ROBO1: variants seen among roughly 807,000 people sequenced by gnomAD.
ROBO1 encodes roundabout guidance receptor 1, also known as roundabout homolog 1.
ROBO1 carries 149 observed loss-of-function variants against 195.9 expected under a neutral mutation model. The ratio of observed to expected loss-of-function variants is 0.76; its 90% confidence interval spans 0.67 to 0.87. ROBO1 has a LOEUF of 0.87. Among genes scored for constraint, ROBO1 ranks in the 40% least tolerant of loss-of-function variants. The probability of loss-of-function intolerance (pLI) is 0.00; values close to 1 mark genes in which losing one functional copy is unlikely to be tolerated. For synonymous variants in ROBO1, 816 were observed against 733.2 expected (o/e 1.11, Z -1.82); for missense variants, 1,933 against 2,068.3 (o/e 0.93, Z 1.27).
intron 1 of ROBO1, among the ~76,000 whole-genome samples, chr3:79,595,747 T>A (rs1944148920): frequency 6.6e-6 from 1 of 150,414 alleles, no homozygotes; most frequent in South Asian, 2.1e-4. Flanking sequence ...TTTGTCGATA[T>A]AGAGCCTATG....
intron 4 of ROBO1, among the ~76,000 whole-genome samples, chr3:78,820,452 CTAA>C (rs1223127729): frequency 7.9e-5 from 12 of 152,084 alleles, no homozygotes; most frequent in African/African-American, 2.9e-4. Context: ...CAAATTTGTA[CTAA>C]TGTTAACGTA....
At chr3:79,544,092 G>T (rs979998510) in intron 2 of ROBO1, among the ~76,000 whole-genome samples, 2 of 151,866 alleles carry the variant, frequency 1.3e-5, no homozygotes, top group African/African-American at 4.8e-5. Context: ...TTTTCATTAG[G>T]CTTATCCAAC....
chr3:78,636,205 T>C (rs1705490936), intron 22 of ROBO1, 97 bp from the exon 23 acceptor site: 1 of 839,418 alleles, frequency 1.2e-6, no homozygotes, highest in Non-Finnish European at 1.8e-6. Flanking sequence ...AGAAAATCGT[T>C]ATGTAAAGTA....
chr3:78,979,438 T>C (rs1054760118), intron 3 of ROBO1, among the ~76,000 whole-genome samples: 2 of 152,166 alleles, frequency 1.3e-5, no homozygotes, highest in East Asian at 3.8e-4. Context: ...ACTGAATAAT[T>C]GTTGAAATTT....
chr3:79,429,219 C>T (rs1319381560), intron 2 of ROBO1, among the ~76,000 whole-genome samples: 2 of 152,124 alleles, frequency 1.3e-5, no homozygotes, highest in Non-Finnish European at 2.9e-5. Flanking sequence ...AAGGGCCATA[C>T]ATACACTCCT....
chr3:79,436,807 G>A (rs952231012), intron 2 of ROBO1, among the ~76,000 whole-genome samples: 4 of 152,054 alleles, frequency 2.6e-5, no homozygotes, highest in Non-Finnish European at 4.4e-5. Flanking sequence ...GCATTGTAAA[G>A]AGTGAAGGTG....
At chr3:79,179,450 G>T (rs1265013348) in intron 2 of ROBO1, among the ~76,000 whole-genome samples, 1 of 152,178 alleles carries the variant, frequency 6.6e-6, no homozygotes, top group African/African-American at 2.4e-5. Flanking sequence ...GATGAAGTTA[G>T]AATAACTTGC....
At chr3:78,770,949 C>A (rs982649167) in intron 4 of ROBO1, among the ~76,000 whole-genome samples, 1 of 152,092 alleles carries the variant, frequency 6.6e-6, no homozygotes, top group Admixed American at 6.6e-5. Flanking sequence ...CACCTGTGGT[C>A]CCAGCTACTC....
intron 2 of ROBO1, among the ~76,000 whole-genome samples, chr3:79,584,346 G>C (rs1943753748): frequency 1.3e-5 from 2 of 149,758 alleles, no homozygotes; most frequent in South Asian, 4.2e-4. Flanking sequence ...GTTTTGTGCA[G>C]AACACAAATA....
At chr3:79,240,112 T>C (rs1166776451) in intron 2 of ROBO1, among the ~76,000 whole-genome samples, 1 of 152,170 alleles carries the variant, frequency 6.6e-6, no homozygotes, top group Non-Finnish European at 1.5e-5. Flanking sequence ...TTAACTATAG[T>C]CACTATATTA....
chr3:79,620,873 C>A (rs753923423), intron 1 of ROBO1, among the ~76,000 whole-genome samples: 1 of 152,046 alleles, frequency 6.6e-6, no homozygotes, highest in Admixed American at 6.5e-5. Flanking sequence ...CTCTTAAAGC[C>A]TACAAATTCT....
In ROBO1 at chr3:78,597,918, C is replaced by T. The variant is rs1391381259; in HGVS notation, c.*995G>A. ...AAAGGTTAATAGTTACAATGGTTTA[C>T]AAATAAAGTTTAGTGATTGTGCTTT... On this transcript the variant is annotated 3_prime_UTR_variant, in exon 31 of 31. Coordinates refer to ENST00000464233, the MANE Select transcript of ROBO1 (RefSeq NM_002941.4). 4.3e-5 allele frequency: 3 copies of T among 69,576 alleles called. No individual in the cohort carries two copies. The highest frequency in any genetic ancestry group is 1.7e-4 in the African/African-American group (3 of 17,602). 4.3% of individuals were successfully genotyped at this position (69,576 alleles called of 1,614,324 possible). A position where few individuals can be genotyped will look rare whatever the true frequency, so the allele number is the denominator to read the frequency against.
intron 3 of ROBO1, among the ~76,000 whole-genome samples, chr3:79,007,230 C>A (rs532527392): frequency 6.6e-6 from 1 of 152,234 alleles, no homozygotes; most frequent in South Asian, 2.1e-4. Flanking sequence ...CCTTGGGTAG[C>A]TTTGGAGGAT....
intron 1 of ROBO1, among the ~76,000 whole-genome samples, chr3:79,679,741 T>C (rs2106961383): frequency 6.6e-6 from 1 of 152,090 alleles, no homozygotes; most frequent in South Asian, 2.1e-4. Context: ...AAAATTGCAT[T>C]TGTACCCCTT....
intron 2 of ROBO1, among the ~76,000 whole-genome samples, chr3:79,546,565 T>C (rs1411788684): frequency 6.6e-6 from 1 of 152,198 alleles, no homozygotes. Flanking sequence ...CTGTATAGGA[T>C]ACACTCCACT....
chr3:79,750,071 T>G (rs1477590365), intron 1 of ROBO1, among the ~76,000 whole-genome samples: 2 of 152,146 alleles, frequency 1.3e-5, no homozygotes, highest in African/African-American at 2.4e-5. Flanking sequence ...GGCACAGGGG[T>G]GGAGCTGCCC....
intron 23 of ROBO1, chr3:78,634,532 C>A (rs1705378271): frequency 5.7e-6 from 2 of 348,804 alleles, no homozygotes; most frequent in South Asian, 4.4e-5. Context: ...GTCTGACATA[C>A]CAAATCTGCT....
intron 2 of ROBO1, among the ~76,000 whole-genome samples, chr3:79,237,675 C>A (rs562940769): frequency 6.6e-6 from 1 of 152,044 alleles, no homozygotes; most frequent in East Asian, 1.9e-4. Context: ...GAGTCATACA[C>A]GTAATTTTTG....
intron 2 of ROBO1, among the ~76,000 whole-genome samples, chr3:79,530,799 A>ACG (rs1941625198): frequency 7.4e-6 from 1 of 135,832 alleles, no homozygotes; most frequent in Non-Finnish European, 1.6e-5. Context: ...ACACACACAC[A>ACG]CACACATCCT....
Sources: gnomAD v4.1 joint callset for allele counts (sites outside exome capture counted in the v4.1 genomes callset) on GRCh38, gnomAD v4.1.1 for gene constraint, MANE v1.5 for transcripts, NCBI Gene and HGNC (gene_info 2026-07-23, HGNC 2026-07-21) for gene names.